RNGTT: variants seen among roughly 807,000 people sequenced by gnomAD.
RNGTT encodes the protein mRNA-capping enzyme.
RNGTT carries 33 observed loss-of-function variants against 79.3 expected under a neutral mutation model. The ratio of observed to expected loss-of-function variants is 0.42; its 90% CI spans 0.32 to 0.56. The LOEUF is 0.56. Among genes scored for constraint, RNGTT ranks in the 20% least tolerant of loss-of-function variants. The probability of loss-of-function intolerance (pLI) is 0.17; values close to 1 mark genes in which losing one functional copy is unlikely to be tolerated. For missense variants in RNGTT, 497 were observed against 739.1 expected (o/e 0.67, Z 3.80); for synonymous variants, 222 against 235.9 (o/e 0.94, Z 0.54).
intron 14 of RNGTT, among the ~76,000 whole-genome samples, chr6:88,675,662 A>G (rs1431088324): frequency 6.6e-6 from 1 of 152,150 alleles, no homozygotes; most frequent in Non-Finnish European, 1.5e-5. Context: ...CTGAACTAAT[A>G]ATCGAGTATA....
chr6:88,815,503 C>T (rs1780286351), intron 11 of RNGTT, among the ~76,000 whole-genome samples: 1 of 152,100 alleles, frequency 6.6e-6, no homozygotes, highest in African/African-American at 2.4e-5. Flanking sequence ...TAAAGGAGGC[C>T]CTAGGGACCC....
In RNGTT at chr6:88,929,046, A is replaced by G; in HGVS notation, c.306T>C (p.Asn102=). The G allele has an allele frequency of 6.2e-7, 1 of 1,613,240 alleles. No homozygotes were observed. Among genetic ancestry groups the G allele is most frequent in the Non-Finnish European group, 8.5e-7 (1 of 1,179,564 alleles). The change falls in exon 4 of 16, where the codon AAT becomes AAC. Residue 102 remains asparagine (N), a synonymous_variant. Transcript: ENST00000369485. ...KGHGECPTTE[N]TETFIRLCER... is the part of the protein sequence containing the mutation. ...CACACAGACGAATAAAGGTCTCAGTATTCTCAGTGGTAGGGCACTCACCAT... is the reference window on the plus strand; with the variant it reads ...CACACAGACGAATAAAGGTCTCAGTGTTCTCAGTGGTAGGGCACTCACCAT...
chr6:88,897,460 A>G (rs2127938235), intron 6 of RNGTT, among the ~76,000 whole-genome samples: 1 of 152,280 alleles, frequency 6.6e-6, no homozygotes, highest in East Asian at 1.9e-4. Flanking sequence ...TTTCTCTATC[A>G]TTATTCCCCA....
At chr6:88,770,006 A>G (rs1778595159) in intron 12 of RNGTT, 132 bp from the exon 13 acceptor site, 1 of 604,460 alleles carries the variant, frequency 1.7e-6, no homozygotes, top group Non-Finnish European at 2.9e-6. Context: ...TCTTCAACCA[A>G]CAAGTCAGGC....
At chr6:88,680,637 G>A (rs1481498544) in intron 13 of RNGTT, among the ~76,000 whole-genome samples, 1 of 151,710 alleles carries the variant, frequency 6.6e-6, no homozygotes, top group South Asian at 2.1e-4. Flanking sequence ...AGCTACTCAG[G>A]AGGCTTAGGC....
At chr6:88,907,975 T>C (rs1272586253) in intron 4 of RNGTT, among the ~76,000 whole-genome samples, 1 of 152,060 alleles carries the variant, frequency 6.6e-6, no homozygotes, top group Admixed American at 6.6e-5. Flanking sequence ...GATCAAGCAA[T>C]CCTCTCACTT....
intron 14 of RNGTT, among the ~76,000 whole-genome samples, chr6:88,675,774 C>G (rs1774850172): frequency 6.7e-6 from 1 of 150,042 alleles, no homozygotes; most frequent in Non-Finnish European, 1.5e-5. Flanking sequence ...AAAATTAAAT[C>G]CTGCCCAAGT....
rs557706414 is a variant in RNGTT, at chr6:88,807,032, G to A, written c.1270-5400C>T. On this transcript the variant is annotated intron_variant, in intron 11 of 15. Coordinates refer to ENST00000369485, the MANE Select transcript of RNGTT (RefSeq NM_003800.5). The stretch of plus-strand genomic sequence containing the variant: ...TGAATGTCCTCACTTATAAGTGGGA[G>A]TTCATTGATGAGAACACATGGACAC... Among the ~76,000 whole-genome samples the A allele has an allele frequency of 2.0e-5, 3 of 152,284 alleles. No homozygotes were observed. In the East Asian group the frequency reaches 5.8e-4, roughly 29 times the overall value.
intron 1 of RNGTT, among the ~76,000 whole-genome samples, chr6:88,956,605 C>T (rs1785439391): frequency 1.3e-5 from 2 of 152,074 alleles, no homozygotes; most frequent in Non-Finnish European, 2.9e-5. Context: ...AACTAGAGAC[C>T]AATATCCCTG....
intron 13 of RNGTT, among the ~76,000 whole-genome samples, chr6:88,759,216 G>A (rs2127834876): frequency 6.6e-6 from 1 of 152,316 alleles, no homozygotes; most frequent in Admixed American, 6.5e-5. Context: ...TCTGGCCAGT[G>A]GGAGCACCTT....
At chr6:88,871,397 T>C (rs1014174805) in intron 8 of RNGTT, among the ~76,000 whole-genome samples, 1 of 152,022 alleles carries the variant, frequency 6.6e-6, no homozygotes, top group Non-Finnish European at 1.5e-5. Flanking sequence ...CTGAAAAATA[T>C]GTCCTGAAAG....
intron 14 of RNGTT, among the ~76,000 whole-genome samples, chr6:88,630,958 T>C (rs915421496): frequency 3.3e-5 from 5 of 152,214 alleles, no homozygotes; most frequent in African/African-American, 1.2e-4. Context: ...TAATGTCTAT[T>C]CTTATATCCA....
At chr6:88,945,113 C>T (rs1171784487) in intron 1 of RNGTT, among the ~76,000 whole-genome samples, 1 of 152,214 alleles carries the variant, frequency 6.6e-6, no homozygotes, top group Non-Finnish European at 1.5e-5. Flanking sequence ...GGTCAGCTGG[C>T]CATTCTCAAG....
chr6:88,656,087 A>G (rs1773966360), intron 14 of RNGTT, among the ~76,000 whole-genome samples: 2 of 152,344 alleles, frequency 1.3e-5, no homozygotes, highest in African/African-American at 4.8e-5. Flanking sequence ...AGGTATTATG[A>G]AAAGATATAT....
intron 8 of RNGTT, among the ~76,000 whole-genome samples, chr6:88,871,293 A>G (rs1312544734): frequency 6.6e-6 from 1 of 152,188 alleles, no homozygotes; most frequent in Non-Finnish European, 1.5e-5. Flanking sequence ...GCACTTATAC[A>G]ATGGAATGTT....
intron 14 of RNGTT, among the ~76,000 whole-genome samples, chr6:88,653,228 T>A (rs1773859497): frequency 6.6e-6 from 1 of 152,186 alleles, no homozygotes; most frequent in Non-Finnish European, 1.5e-5. Flanking sequence ...CCTAAGTAGG[T>A]AAAGTATTGC....
intron 13 of RNGTT, among the ~76,000 whole-genome samples, chr6:88,722,380 C>T (rs1325209900): frequency 2.0e-5 from 3 of 151,938 alleles, no homozygotes; most frequent in Non-Finnish European, 4.4e-5. Flanking sequence ...AAAAGATAAA[C>T]CAAAAATACA....
Position 88,645,507 on chromosome 6 carries a change from A to C in RNGTT, c.1507-31112T>G, listed in dbSNP as rs983973880. On this transcript the variant is annotated intron_variant, in intron 14 of 15. Coordinates refer to ENST00000369485, the MANE Select transcript of RNGTT (RefSeq NM_003800.5). ...TCACAGAATTGGAAAAAACTACTTT[A>C]AAGTTCATATGGAACCAAAAAAGAG... is the stretch of plus-strand genomic sequence containing the variant. Among the ~76,000 whole-genome samples, 10 of 152,370 alleles carry C rather than the reference A, an allele frequency of 6.6e-5. No individual in the cohort carries two copies. The South Asian group carries it at 8.3e-4, about 13-fold the overall frequency.
chr6:88,911,073 A>C (rs1339991203), intron 4 of RNGTT, among the ~76,000 whole-genome samples: 1 of 152,164 alleles, frequency 6.6e-6, no homozygotes, highest in East Asian at 1.9e-4. Flanking sequence ...ACAACTACAC[A>C]ATCAAGGCTA....
Sources: allele counts gnomAD v4.1 joint callset (sites outside exome capture counted in the v4.1 genomes callset), GRCh38; gene constraint gnomAD v4.1.1; transcripts MANE v1.5; gene names NCBI Gene and HGNC (gene_info 2026-07-23, HGNC 2026-07-21).